The following NTM variants were observed in gnomAD, a reference collection of about 807,000 sequenced individuals.
The protein encoded by NTM is neurotrimin.
A neutral mutation model predicts 42.1 loss-of-function variants in NTM; 13 were observed. The ratio of observed to expected loss-of-function variants is 0.31; its 90% confidence interval spans 0.20 to 0.49. NTM has a LOEUF of 0.49. Among genes scored for constraint, NTM ranks in the 20% least tolerant of loss-of-function variants. The pLI is 0.99. For synonymous variants in NTM, 187 were observed against 179.2 expected, an observed-to-expected ratio of 1.04 and a Z score of -0.35; for missense variants, 373 against 452.8, an observed-to-expected ratio of 0.82 and a Z score of 1.60.
chr11:131,705,589 C>A (rs1398161416), intron 1 of NTM, among the ~76,000 whole-genome samples: 1 of 152,066 alleles, frequency 6.6e-6, no homozygotes, highest in Non-Finnish European at 1.5e-5. Context: ...TAAATTACCT[C>A]TAATTCTGCT....
intron 3 of NTM, among the ~76,000 whole-genome samples, chr11:132,180,999 G>T (rs1361154831): frequency 6.6e-6 from 1 of 152,156 alleles, no homozygotes; most frequent in Non-Finnish European, 1.5e-5. Flanking sequence ...TTTAACTTAA[G>T]GATCTCAGAA....
At chr11:131,431,966 A>G (rs1477387076) in intron 1 of NTM, among the ~76,000 whole-genome samples, 1 of 152,204 alleles carries the variant, frequency 6.6e-6, no homozygotes, top group African/African-American at 2.4e-5. Context: ...GATAAAAGGT[A>G]TAAAAGAATG....
chr11:131,541,564 G>A (rs879740246), intron 1 of NTM, among the ~76,000 whole-genome samples: 11 of 151,650 alleles, frequency 7.3e-5, no homozygotes, highest in East Asian at 3.8e-4. Flanking sequence ...CAGTCAATTC[G>A]TGTGTGAATT....
At chr11:132,180,160 T>C (rs2077357741) in intron 3 of NTM, among the ~76,000 whole-genome samples, 2 of 152,302 alleles carry the variant, frequency 1.3e-5, no homozygotes, top group African/African-American at 4.8e-5. Context: ...ACATTCACTT[T>C]GTATTGTGTA....
At chr11:132,330,219 T>C in intron 8 of NTM, 34 bp downstream of exon 8, 1 of 1,541,610 alleles carries the variant, frequency 6.5e-7, no homozygotes. Context: ...GCTGCCTTGG[T>C]GGGTGTGGGG....
intron 1 of NTM, among the ~76,000 whole-genome samples, chr11:131,649,976 T>G (rs189539658): frequency 6.6e-6 from 1 of 152,304 alleles, no homozygotes; most frequent in East Asian, 1.9e-4. Flanking sequence ...CAGACACGCT[T>G]CTTTCCCGTT....
chr11:132,032,592 G>C (rs2076062894), intron 2 of NTM, among the ~76,000 whole-genome samples: 1 of 152,156 alleles, frequency 6.6e-6, no homozygotes. Flanking sequence ...TTAGTGACTA[G>C]GACCTTCTTG....
At chr11:131,540,591 G>T (rs2053096534) in intron 1 of NTM, 1 of 152,148 alleles carries the variant, frequency 6.6e-6, no homozygotes, top group Non-Finnish European at 1.5e-5. Flanking sequence ...AATTGGCATG[G>T]CTGAATATAA....
intron 3 of NTM, among the ~76,000 whole-genome samples, chr11:132,198,689 G>T (rs1212775487): frequency 6.6e-6 from 1 of 152,156 alleles, no homozygotes; most frequent in African/African-American, 2.4e-5. Context: ...CTGCAGATTT[G>T]CATAGAGCCC....
At chr11:131,702,037 A>G (rs935794038) in intron 1 of NTM, among the ~76,000 whole-genome samples, 26 of 152,320 alleles carry the variant, frequency 1.7e-4, no homozygotes, top group African/African-American at 5.5e-4. Flanking sequence ...CCTTTCCCAC[A>G]GTTTCCTGCT....
intron 2 of NTM, among the ~76,000 whole-genome samples, chr11:132,040,305 T>C (rs2077021586): frequency 6.6e-6 from 1 of 152,182 alleles, no homozygotes; most frequent in Non-Finnish European, 1.5e-5. Flanking sequence ...TTTACTAGTC[T>C]GGGAAATGGG....
intron 2 of NTM, among the ~76,000 whole-genome samples, chr11:131,919,389 C>T (rs112156466): frequency 2.8e-3 from 433 of 152,160 alleles, no homozygotes; most frequent in Non-Finnish European, 4.6e-3. Context: ...AAACCAAGGA[C>T]TTATTGGGTT....
chr11:131,673,501 T>C (rs981753720), intron 1 of NTM, among the ~76,000 whole-genome samples: 9 of 152,198 alleles, frequency 5.9e-5, no homozygotes, highest in African/African-American at 2.2e-4. Context: ...GTCTTTCTTC[T>C]TATCTCTTCA....
At chr11:131,698,272 G>A (rs996742002) in intron 1 of NTM, among the ~76,000 whole-genome samples, 7 of 152,118 alleles carry the variant, frequency 4.6e-5, no homozygotes, top group African/African-American at 1.7e-4. Flanking sequence ...GGAACAGAAG[G>A]TGTACCCCCC....
chr11:132,172,968 C>A (rs1204571749), intron 3 of NTM, among the ~76,000 whole-genome samples: 1 of 152,156 alleles, frequency 6.6e-6, no homozygotes, highest in Non-Finnish European at 1.5e-5. Flanking sequence ...TACCAAAGGA[C>A]CAGTATAAAA....
At chr11:131,553,910 C>T (rs190856496) in intron 1 of NTM, among the ~76,000 whole-genome samples, 29 of 152,290 alleles carry the variant, frequency 1.9e-4, no homozygotes, top group Non-Finnish European at 3.1e-4. Flanking sequence ...TTCCCGTAAA[C>T]GTGACCACTT....
intron 2 of NTM, among the ~76,000 whole-genome samples, chr11:132,012,524 G>A (rs1286261457): frequency 2.0e-5 from 3 of 152,050 alleles, no homozygotes; most frequent in African/African-American, 4.8e-5. Context: ...TAAAGAAGAC[G>A]TATAAGAAAT....
At chr11:132,193,054 G>A (rs1037164837) in intron 3 of NTM, among the ~76,000 whole-genome samples, 6 of 152,076 alleles carry the variant, frequency 3.9e-5, no homozygotes, top group Non-Finnish European at 5.9e-5. Flanking sequence ...AATAATAGTG[G>A]GAGACTGCAA....
At chr11:131,500,836 G>T (rs1375101974) in intron 1 of NTM, among the ~76,000 whole-genome samples, 2 of 147,908 alleles carry the variant, frequency 1.4e-5, no homozygotes, top group Non-Finnish European at 3.0e-5. Flanking sequence ...AGAACATGCG[G>T]TGTTTGGTTT....
Sources: allele counts gnomAD v4.1 joint callset (sites outside exome capture counted in the v4.1 genomes callset), GRCh38; gene constraint gnomAD v4.1.1; transcripts MANE v1.5; gene names NCBI Gene and HGNC (gene_info 2026-07-23, HGNC 2026-07-21).